ADK: variants seen among roughly 807,000 people sequenced by gnomAD.
ADK encodes the protein N6,N6-dimethyladenosine kinase.
ADK carries 24 observed loss-of-function variants against 44.7 expected under a neutral mutation model. The observed-to-expected ratio is 0.54, with a 90% CI of 0.39 to 0.76. The LOEUF is 0.76. Ranked by LOEUF, ADK falls within the 30% of genes least tolerant of loss-of-function variation. The pLI is 0.00. For missense variants in ADK, 321 were observed against 425.1 expected (o/e 0.76, Z 2.15); for synonymous variants, 128 against 142.6 (o/e 0.90, Z 0.73).
At chr10:74,577,646 A>C (rs909726507) in intron 7 of ADK, among the ~76,000 whole-genome samples, 1 of 152,028 alleles carries the variant, frequency 6.6e-6, no homozygotes, top group Non-Finnish European at 1.5e-5. Context: ...TTAAAAAAAA[A>C]TTACAATGTA....
At chr10:74,260,627 C>T (rs887567744) in intron 3 of ADK, among the ~76,000 whole-genome samples, 1 of 152,190 alleles carries the variant, frequency 6.6e-6, no homozygotes, top group African/African-American at 2.4e-5. Context: ...ACCACTTCTA[C>T]CTTTTCTCCA....
At chr10:74,700,991 T>G (rs1208624590) in intron 10 of ADK, among the ~76,000 whole-genome samples, 1 of 152,236 alleles carries the variant, frequency 6.6e-6, no homozygotes, top group Admixed American at 6.5e-5. Context: ...AGTTACATGC[T>G]GAACACAGTA....
chr10:74,239,838 G>T (rs1424776290), intron 3 of ADK, among the ~76,000 whole-genome samples: 2 of 151,548 alleles, frequency 1.3e-5, no homozygotes, highest in Admixed American at 1.3e-4. Flanking sequence ...TATATTAGTG[G>T]GTATAATTAT....
In ADK at chr10:74,252,553, A is replaced by G. The variant is rs552261984; in HGVS notation, c.194+27962A>G. 3.9e-5 allele frequency among the ~76,000 whole-genome samples: 6 copies of G among 152,342 alleles called. No individual in the cohort carries two copies. In the East Asian group the frequency reaches 1.2e-3, roughly 29 times the overall value. ...TCACTGCACCTAATTTAATTGGTGT[A>G]GAAGTTGGAGATGATCATGCTCTAG... On this transcript the variant is annotated intron_variant, in intron 3 of 10. Coordinates refer to ENST00000539909, the MANE Select transcript of ADK (RefSeq NM_006721.4).
At chr10:74,566,232 A>C (rs922972389) in intron 7 of ADK, among the ~76,000 whole-genome samples, 1 of 122,802 alleles carries the variant, frequency 8.1e-6, no homozygotes, top group Non-Finnish European at 1.6e-5. Context: ...TTGTGGAGAC[A>C]GTCTCACTCT....
chr10:74,494,107 G>T (rs536056952), intron 6 of ADK, among the ~76,000 whole-genome samples: 1 of 152,186 alleles, frequency 6.6e-6, no homozygotes, highest in South Asian at 2.1e-4. Context: ...TTTTAAATTA[G>T]TATTTTAAAA....
At chr10:74,225,577 AATT>A (rs1395912374) in intron 3 of ADK, among the ~76,000 whole-genome samples, 1 of 152,164 alleles carries the variant, frequency 6.6e-6, no homozygotes, top group East Asian at 1.9e-4. Context: ...ACCTTTTGTA[AATT>A]ATTTTCTTCT....
chr10:74,653,904 A>G (rs1564837875), intron 9 of ADK, among the ~76,000 whole-genome samples: 1 of 152,244 alleles, frequency 6.6e-6, no homozygotes. Context: ...GTTAAAAAAA[A>G]TATCCTTGTC....
intron 2 of ADK, among the ~76,000 whole-genome samples, chr10:74,205,776 CAAAG>C (rs1288484970): frequency 6.7e-6 from 1 of 148,422 alleles, no homozygotes; most frequent in African/African-American, 2.5e-5. Context: ...TCTCAATAGA[CAAAG>C]AAAAACCTTT....
chr10:74,611,278 T>C (rs1852533600), intron 9 of ADK, among the ~76,000 whole-genome samples: 1 of 152,028 alleles, frequency 6.6e-6, no homozygotes, highest in South Asian at 2.1e-4. Context: ...TAATCTGCCT[T>C]CCTAGGCCTC....
intron 6 of ADK, among the ~76,000 whole-genome samples, chr10:74,451,292 A>G (rs1473636620): frequency 6.6e-6 from 1 of 152,056 alleles, no homozygotes; most frequent in Admixed American, 6.6e-5. Context: ...CTAGAAAGAT[A>G]AACATTGCCT....
chr10:74,406,765 C>A (rs1308178896), intron 6 of ADK, among the ~76,000 whole-genome samples: 1 of 151,972 alleles, frequency 6.6e-6, no homozygotes, highest in Non-Finnish European at 1.5e-5. Flanking sequence ...ACTGCAACCC[C>A]CGCCTCCTGG....
intron 6 of ADK, among the ~76,000 whole-genome samples, chr10:74,461,495 A>T (rs1202040697): frequency 6.6e-6 from 1 of 152,108 alleles, no homozygotes; most frequent in Non-Finnish European, 1.5e-5. Context: ...TCCCTATCTC[A>T]GTACTAATAC....
At chr10:74,181,175 A>G (rs1443366129) in intron 1 of ADK, among the ~76,000 whole-genome samples, 1 of 152,190 alleles carries the variant, frequency 6.6e-6, no homozygotes, top group Non-Finnish European at 1.5e-5. Flanking sequence ...AGATCTCTAG[A>G]TACCTTGTTC....
At chr10:74,632,605 G>A (rs1460694583) in intron 9 of ADK, among the ~76,000 whole-genome samples, 1 of 151,578 alleles carries the variant, frequency 6.6e-6, no homozygotes, top group Non-Finnish European at 1.5e-5. Flanking sequence ...ATATCTTTCT[G>A]TGCCCACTCC....
chr10:74,701,657 A>G (rs976850302), intron 10 of ADK, among the ~76,000 whole-genome samples: 6 of 152,202 alleles, frequency 3.9e-5, no homozygotes, highest in Non-Finnish European at 8.8e-5. Flanking sequence ...TTTAAAAAGA[A>G]TTGTGGGCCA....
chr10:74,561,261 T>C (rs1850447271), intron 7 of ADK, among the ~76,000 whole-genome samples: 1 of 152,224 alleles, frequency 6.6e-6, no homozygotes, highest in African/African-American at 2.4e-5. Flanking sequence ...TACTCCTTCT[T>C]GTTAAAGCTT....
chr10:74,268,684 C>A (rs1179480512), intron 3 of ADK, among the ~76,000 whole-genome samples: 1 of 152,136 alleles, frequency 6.6e-6, no homozygotes, highest in Non-Finnish European at 1.5e-5. Flanking sequence ...CTGTAAGTAT[C>A]ACAGATGTTG....
chr10:74,458,725 TAAATA>T (rs1455425595), intron 6 of ADK, among the ~76,000 whole-genome samples: 5 of 152,074 alleles, frequency 3.3e-5, no homozygotes, highest in Admixed American at 6.6e-5. Context: ...CCAAAACAAA[TAAATA>T]AAAGAAAATA....
Sources: gnomAD v4.1 joint callset for allele counts (sites outside exome capture counted in the v4.1 genomes callset) on GRCh38, gnomAD v4.1.1 for gene constraint, MANE v1.5 for transcripts, NCBI Gene and HGNC (gene_info 2026-07-23, HGNC 2026-07-21) for gene names.